MALRD1: variants seen among roughly 807,000 people sequenced by gnomAD.
MALRD1 encodes MAM and LDL receptor class A domain containing 1.
In MALRD1, 247 loss-of-function variants were observed where a neutral mutation model predicts 242.1. That is an observed-to-expected ratio of 1.02 (90% CI 0.92 to 1.13). The LOEUF is 1.13. MALRD1 is among the 50% of genes most tolerant of loss of function. The pLI is 0.00. For synonymous variants in MALRD1, 995 were observed against 866.6 expected (o/e 1.15, Z -2.60); for missense variants, 2,989 against 2,533.1 (o/e 1.18, Z -3.86).
At chr10:19,562,361 CTAGA>C (rs1401711236) in intron 32 of MALRD1, among the ~76,000 whole-genome samples, 7 of 142,802 alleles carry the variant, frequency 4.9e-5, no homozygotes, top group African/African-American at 1.0e-4. Context: ...AGATAGATAT[CTAGA>C]TAGATAGAGA....
chr10:19,127,756 G>T (rs956177820), intron 7 of MALRD1, among the ~76,000 whole-genome samples: 1 of 152,020 alleles, frequency 6.6e-6, no homozygotes, highest in Admixed American at 6.6e-5. Context: ...GGCTTGGTAA[G>T]AAAGAAGACA....
intron 26 of MALRD1, among the ~76,000 whole-genome samples, chr10:19,354,618 G>T (rs1335079814): frequency 6.6e-6 from 1 of 151,882 alleles, no homozygotes; most frequent in Non-Finnish European, 1.5e-5. Context: ...GTGAGAACAC[G>T]TGATATTTGT....
At chr10:19,429,054 C>T (rs891606909) in intron 28 of MALRD1, among the ~76,000 whole-genome samples, 15 of 152,250 alleles carry the variant, frequency 9.9e-5, no homozygotes, top group African/African-American at 3.6e-4. Context: ...GGCTATTACA[C>T]CTAGTATATG....
chr10:19,569,032 T>G (rs1387381264), intron 33 of MALRD1, among the ~76,000 whole-genome samples: 1 of 152,154 alleles, frequency 6.6e-6, no homozygotes, highest in African/African-American at 2.4e-5. Flanking sequence ...TACAATAAAT[T>G]ATGATTTATT....
At position 19,187,567 on chromosome 10, in the gene MALRD1, A is replaced by G. The variant is rs983523350; in HGVS notation, c.1951+12239A>G. Among the ~76,000 whole-genome samples the G allele has an allele frequency of 4.6e-5, 7 of 152,266 alleles. No individual in the cohort carries two copies. The East Asian group carries it at 1.4e-3, about 29-fold the overall frequency. On this transcript the variant is annotated intron_variant, in intron 14 of 39. Coordinates refer to ENST00000454679, the MANE Select transcript of MALRD1 (RefSeq NM_001142308.3). ...GGCTGGAAGAGGTTGATTATAGAGA[A>G]CAATTATAGGATAATAAGGCTGAGG...
At chr10:19,591,067 A>G (rs1015227597) in intron 33 of MALRD1, among the ~76,000 whole-genome samples, 1 of 151,630 alleles carries the variant, frequency 6.6e-6, no homozygotes, top group Non-Finnish European at 1.5e-5. Context: ...TCCTTGCCCT[A>G]CCTCCCACCC....
chr10:19,725,755 G>A (rs1022571448), intron 38 of MALRD1, among the ~76,000 whole-genome samples: 4 of 152,128 alleles, frequency 2.6e-5, no homozygotes, highest in Non-Finnish European at 5.9e-5. Flanking sequence ...TAGATCAATT[G>A]AATTGAACTG....
intron 36 of MALRD1, among the ~76,000 whole-genome samples, chr10:19,650,714 C>A (rs764169034): frequency 1.5e-4 from 23 of 152,136 alleles, no homozygotes; most frequent in Non-Finnish European, 3.1e-4. Context: ...AAGTAGATTG[C>A]AGCCTGAACT....
chr10:19,506,845 A>G (rs1833166310), intron 31 of MALRD1, among the ~76,000 whole-genome samples: 1 of 152,144 alleles, frequency 6.6e-6, no homozygotes, highest in African/African-American at 2.4e-5. Context: ...AGACAAAGCA[A>G]GATGGACCAT....
chr10:19,522,030 C>G (rs1020313961), intron 31 of MALRD1, among the ~76,000 whole-genome samples: 1 of 152,108 alleles, frequency 6.6e-6, no homozygotes, highest in African/African-American at 2.4e-5. Context: ...GATAAGGCCA[C>G]TCATTTACAA....
At chr10:19,396,239 C>T (rs1244193456) in intron 28 of MALRD1, among the ~76,000 whole-genome samples, 1 of 148,832 alleles carries the variant, frequency 6.7e-6, no homozygotes, top group Non-Finnish European at 1.5e-5. Context: ...CTGGTTCAAG[C>T]GATTCTCCTG....
chr10:19,504,707 G>A (rs901034015), intron 31 of MALRD1, among the ~76,000 whole-genome samples: 2 of 112,310 alleles, frequency 1.8e-5, no homozygotes, highest in Non-Finnish European at 1.6e-5. Flanking sequence ...ACGGAGTCTC[G>A]CTCTGTCGCC....
chr10:19,355,221 G>A (rs1285608438), intron 26 of MALRD1, among the ~76,000 whole-genome samples: 2 of 152,004 alleles, frequency 1.3e-5, no homozygotes, highest in Non-Finnish European at 2.9e-5. Context: ...GCTGAGGTGG[G>A]CACCTTATGT....
chr10:19,296,559 C>T (rs1841712382), intron 21 of MALRD1, among the ~76,000 whole-genome samples: 1 of 151,912 alleles, frequency 6.6e-6, no homozygotes, highest in Non-Finnish European at 1.5e-5. Flanking sequence ...TCAACTTTTC[C>T]TCAGCACTTA....
chr10:19,050,368 T>C (rs2131193799), intron 1 of MALRD1, among the ~76,000 whole-genome samples: 1 of 151,322 alleles, frequency 6.6e-6, no homozygotes, highest in South Asian at 2.1e-4. Flanking sequence ...ATTACAGGCG[T>C]GAGCCACCGC....
At chr10:19,491,456 A>G in intron 29 of MALRD1, 61 bp from the exon 30 acceptor site, 1 of 1,519,912 alleles carries the variant, frequency 6.6e-7, no homozygotes. Context: ...CCTAACAGGA[A>G]TCTTCAAGTC....
In MALRD1 at chr10:19,070,273, C is replaced by A. The variant is rs79971403; in HGVS notation, c.340+3414C>A. On this transcript the variant is annotated intron_variant, in intron 2 of 39. Transcript: ENST00000454679. ...TACTGAGAACCATAGCTTAGCCTAG[C>A]CTACCTGAAACTTGCCAAGAACATA... Among the ~76,000 whole-genome samples, 1,345 of 152,238 alleles carry A rather than the reference C, an allele frequency of 8.8e-3. 21 individuals are homozygous for A. Among genetic ancestry groups the A allele is most frequent in the African/African-American group, 0.031 (1,279 of 41,538 alleles).
intron 29 of MALRD1, among the ~76,000 whole-genome samples, chr10:19,484,482 A>G: frequency 6.6e-6 from 1 of 152,150 alleles, no homozygotes; most frequent in East Asian, 1.9e-4. Flanking sequence ...ATCTTAAATA[A>G]GGAGTATTAT....
intron 38 of MALRD1, among the ~76,000 whole-genome samples, chr10:19,719,173 T>C (rs1171209455): frequency 2.8e-5 from 3 of 106,734 alleles, no homozygotes; most frequent in African/African-American, 1.2e-4. Context: ...TATATATACA[T>C]ACATATATAT....
Sources: allele counts gnomAD v4.1 joint callset (sites outside exome capture counted in the v4.1 genomes callset), GRCh38; gene constraint gnomAD v4.1.1; transcripts MANE v1.5; gene names NCBI Gene and HGNC (gene_info 2026-07-23, HGNC 2026-07-21).